TFDP2: variants seen among roughly 807,000 people sequenced by gnomAD.
The protein encoded by TFDP2 is transcription factor Dp-2.
TFDP2 carries 17 observed loss-of-function variants against 59.3 expected under a neutral mutation model. The observed-to-expected ratio is 0.29, with a 90% CI of 0.20 to 0.43. The LOEUF (loss-of-function observed/expected upper bound fraction) is 0.43. TFDP2 is among the 20% of genes least tolerant of loss of function. The pLI, the probability that TFDP2 is intolerant of heterozygous loss-of-function variation, is 1.00. For missense variants in TFDP2, 391 were observed against 528.8 expected, an observed-to-expected ratio of 0.74 and a Z score of 2.56; for synonymous variants, 180 against 194.7, an observed-to-expected ratio of 0.92 and a Z score of 0.63.
chr3:142,091,189 G>C (rs1217208896), intron 3 of TFDP2, among the ~76,000 whole-genome samples: 1 of 152,110 alleles, frequency 6.6e-6, no homozygotes, highest in Non-Finnish European at 1.5e-5. Flanking sequence ...TTTAGCCCTA[G>C]TGCATCCCAC....
intron 3 of TFDP2, among the ~76,000 whole-genome samples, chr3:142,034,138 C>T (rs1365920200): frequency 1.4e-5 from 2 of 145,224 alleles, no homozygotes; most frequent in African/African-American, 5.1e-5. Context: ...TCCTGTTGCC[C>T]AGGCTGGAGT....
At chr3:141,997,851 A>C in intron 4 of TFDP2, among the ~76,000 whole-genome samples, 1 of 37,252 alleles carries the variant, frequency 2.7e-5, no homozygotes, top group Non-Finnish European at 4.8e-5. Context: ...CTCCATCTCA[A>C]AAAAAAAAAA....
intron 3 of TFDP2, among the ~76,000 whole-genome samples, chr3:142,043,085 C>T (rs1232901483): frequency 2.2e-5 from 3 of 138,346 alleles, no homozygotes; most frequent in Non-Finnish European, 3.1e-5. Context: ...CTCGCTCTGT[C>T]GCCCAGGCTG....
At chr3:141,953,608 A>G (rs1215551491) in intron 11 of TFDP2, among the ~76,000 whole-genome samples, 1 of 152,114 alleles carries the variant, frequency 6.6e-6, no homozygotes, top group Non-Finnish European at 1.5e-5. Flanking sequence ...GTTGCTTTCT[A>G]ATTCAAACTA....
chr3:142,110,321 C>T (rs1237421317), intron 1 of TFDP2, among the ~76,000 whole-genome samples: 5 of 151,864 alleles, frequency 3.3e-5, no homozygotes, highest in African/African-American at 9.7e-5. Context: ...CTGGTCAACA[C>T]GATGAAACCC....
chr3:142,036,098 C>T (rs2108430353), intron 3 of TFDP2, among the ~76,000 whole-genome samples: 1 of 152,152 alleles, frequency 6.6e-6, no homozygotes, highest in African/African-American at 2.4e-5. Context: ...CCATTTGTGC[C>T]AAGTAAACTA....
intron 1 of TFDP2, among the ~76,000 whole-genome samples, chr3:142,132,056 G>A (rs925151561): frequency 6.9e-6 from 1 of 144,836 alleles, no homozygotes; most frequent in African/African-American, 2.6e-5. Context: ...AATGTTCATA[G>A]CAATATTACC....
At chr3:142,052,417 C>T (rs903979013) in intron 3 of TFDP2, among the ~76,000 whole-genome samples, 26 of 149,606 alleles carry the variant, frequency 1.7e-4, no homozygotes, top group Non-Finnish European at 2.7e-4. Context: ...TGGTGGTGGG[C>T]GCCTGTAGTC....
chr3:142,064,144 G>A (rs2060002762), intron 3 of TFDP2, among the ~76,000 whole-genome samples: 1 of 152,088 alleles, frequency 6.6e-6, no homozygotes, highest in Non-Finnish European at 1.5e-5. Context: ...ATAGACATGG[G>A]TTTTACCATG....
chr3:141,989,755 C>T (rs950237538), intron 6 of TFDP2, among the ~76,000 whole-genome samples: 1 of 152,114 alleles, frequency 6.6e-6, no homozygotes, highest in Admixed American at 6.6e-5. Context: ...TGACTTCTTC[C>T]ACGCAATATG....
intron 9 of TFDP2, among the ~76,000 whole-genome samples, chr3:141,968,425 C>T (rs1284377148): frequency 1.4e-5 from 1 of 70,682 alleles, no homozygotes; most frequent in Non-Finnish European, 2.8e-5. Context: ...ATATATATCT[C>T]ATATATAGAT....
At chr3:142,005,565 TAA>T in intron 3 of TFDP2, 21 bp from the exon 4 acceptor site, 1 of 1,543,470 alleles carries the variant, frequency 6.5e-7, no homozygotes, top group Non-Finnish European at 8.8e-7. Context: ...ATCAAAACAT[TAA>T]GTTAGTATTC....
Position 141,993,560 on chromosome 3 carries a change from T to C in TFDP2, c.334A>G (p.Ile112Val). Residue 112 changes from isoleucine to valine, a missense_variant, in exon 6 of 13, where the codon ATA becomes GTA. Physicochemically the swap from Ile to Val is conservative, Grantham distance 29. This residue lies in a region of TFDP2 where 162 missense variants were observed against 206.8 expected (regional missense o/e 0.78). Transcript: ENST00000489671. ...PGDRKRARKF[I>V]DSDFSESKRS... is the part of the protein sequence containing the mutation. ...CACCTTTCTGAAAAATCAGAGTCTATAAATTTTCTAGCCCGTTTTCTATCA... is the reference window on the plus strand; with the variant it reads ...CACCTTTCTGAAAAATCAGAGTCTACAAATTTTCTAGCCCGTTTTCTATCA... The C allele has an allele frequency of 6.3e-7, 1 of 1,580,270 alleles. No individual in the cohort carries two copies. The highest frequency in any genetic ancestry group is 8.6e-7 in the Non-Finnish European group (1 of 1,157,278).
At chr3:141,977,104 A>T (rs573767485) in intron 7 of TFDP2, among the ~76,000 whole-genome samples, 21 of 90,904 alleles carry the variant, frequency 2.3e-4, no homozygotes, top group Non-Finnish European at 4.2e-4. Flanking sequence ...ATATATATAT[A>T]TATTTTTTTT....
At chr3:141,959,985 T>C in intron 10 of TFDP2, 145 bp from the exon 11 acceptor site, 1 of 676,944 alleles carries the variant, frequency 1.5e-6, no homozygotes, top group Non-Finnish European at 2.4e-6. Flanking sequence ...CCATGAGTCA[T>C]TCTGCTCTGT....
intron 3 of TFDP2, among the ~76,000 whole-genome samples, chr3:142,017,640 C>T (rs961879536): frequency 2.7e-5 from 4 of 148,684 alleles, no homozygotes; most frequent in African/African-American, 1.0e-4. Flanking sequence ...GCAACCTGTG[C>T]CTGCCGGGTT....
intron 3 of TFDP2, among the ~76,000 whole-genome samples, chr3:142,023,740 G>C (rs1055791453): frequency 1.3e-5 from 2 of 152,154 alleles, no homozygotes; most frequent in Admixed American, 6.5e-5. Flanking sequence ...TGAAATGCAA[G>C]AAATCTTAAA....
intron 3 of TFDP2, among the ~76,000 whole-genome samples, chr3:142,006,619 T>A (rs1327221047): frequency 6.6e-6 from 1 of 151,694 alleles, no homozygotes; most frequent in Non-Finnish European, 1.5e-5. Context: ...CAGGCATGCA[T>A]CACCACACCT....
chr3:142,099,612 A>G (rs999099404), intron 2 of TFDP2, among the ~76,000 whole-genome samples: 14 of 151,902 alleles, frequency 9.2e-5, no homozygotes, highest in Non-Finnish European at 2.9e-5. Flanking sequence ...AGGCAGGAGA[A>G]TCACTTGAAC....
Sources: gnomAD v4.1 joint callset for allele counts (sites outside exome capture counted in the v4.1 genomes callset) on GRCh38, gnomAD v4.1.1 for gene constraint, gnomAD v4.1.1 regional missense constraint, MANE v1.5 for transcripts, NCBI Gene and HGNC (gene_info 2026-07-23, HGNC 2026-07-21) for gene names.